Variants in LEMD3 observed in about 807,000 individuals in gnomAD.
LEMD3 encodes the protein LEM domain containing 3.
LEMD3 carries 33 observed loss-of-function variants against 95.2 expected under a neutral mutation model. That is an observed-to-expected ratio of 0.35 (90% CI 0.26 to 0.46). The LOEUF (loss-of-function observed/expected upper bound fraction) is 0.46. Among genes scored for constraint, LEMD3 ranks in the 20% least tolerant of loss-of-function variants. The pLI is 1.00. For synonymous variants in LEMD3, 525 were observed against 474.6 expected (o/e 1.11, Z -1.38); for missense variants, 1,210 against 1,192.8 (o/e 1.01, Z -0.21).
intron 1 of LEMD3, among the ~76,000 whole-genome samples, chr12:65,206,396 C>T (rs1473466084): frequency 6.6e-6 from 1 of 152,116 alleles, no homozygotes; most frequent in African/African-American, 2.4e-5. Context: ...TGCTGCCCTC[C>T]AGGACTGAAC....
Position 65,193,436 on chromosome 12 carries a change from T to A in LEMD3, c.1523-17490T>A, listed in dbSNP as rs559025349. Among the ~76,000 whole-genome samples the A allele has an allele frequency of 3.3e-4, 50 of 152,268 alleles. 1 individual carries two copies. In the South Asian group the frequency reaches 9.5e-3, roughly 29 times the overall value. ...TGCTAGCACTTGGAAGGGGCCAGCC[T>A]ATGCAGTGTGTTTACTGGAGTTGTA... On this transcript the variant is annotated intron_variant, in intron 1 of 12. Transcript: ENST00000308330.
At chr12:65,222,597 C>A (rs1050210684) in intron 4 of LEMD3, among the ~76,000 whole-genome samples, 1 of 151,794 alleles carries the variant, frequency 6.6e-6, no homozygotes, top group Admixed American at 6.6e-5. Flanking sequence ...TTGATCTTTT[C>A]AAAAAATCAA....
In LEMD3 at chr12:65,169,906, C is replaced by G; in HGVS notation, c.310C>G (p.Pro104Ala). 6.9e-7 allele frequency: 1 copy of G among 1,451,738 alleles called. No homozygotes were observed. The highest frequency in any genetic ancestry group is 9.1e-7 in the Non-Finnish European group (1 of 1,104,668). 89.9% of individuals were successfully genotyped at this position (1,451,738 alleles called of 1,614,324 possible). The change falls in exon 1 of 13, where the codon CCT (proline) becomes GCT (alanine). Residue 104 changes from proline to alanine, a missense_variant. By Grantham distance (27) the Pro-to-Ala change is conservative (BLOSUM62 -1). This residue lies in a region of LEMD3 where 749 missense variants were observed against 622.9 expected (regional missense o/e 1.20). Coordinates refer to ENST00000308330, the MANE Select transcript of LEMD3 (RefSeq NM_014319.5). ...GGGCGACCTCTCCTACTTACGGACTCCTGGGGGCCTGTGCCGAATCTCGGC... is the reference window on the plus strand; with the variant it reads ...GGGCGACCTCTCCTACTTACGGACTGCTGGGGGCCTGTGCCGAATCTCGGC... ...VSGDLSYLRT[P>A]GGLCRISASG...
intron 1 of LEMD3, among the ~76,000 whole-genome samples, chr12:65,194,785 T>C (rs1185505965): frequency 6.8e-5 from 1 of 14,666 alleles, no homozygotes; most frequent in Non-Finnish European, 1.2e-4. Context: ...TTTTGGGGAA[T>C]GGTTAGTATT....
Position 65,169,837 on chromosome 12 carries a change from CCAGCGGCGGCGGCGGCCGCGGGGA to C in LEMD3, c.242_265del (p.Pro81_Met89delinsLeu), listed in dbSNP as rs778490017. The C allele has an allele frequency of 5.5e-6, 8 of 1,464,752 alleles. No individual in the cohort carries two copies. Among genetic ancestry groups the C allele is most frequent in the Non-Finnish European group, 7.2e-6 (8 of 1,105,006 alleles). The allele number at this position is 1,464,752 out of a possible 1,614,324, so 90.7% of individuals were successfully genotyped here. ...AGCCGCCACGGTCGCAGCCGCGGGA[CCAGCGGCGGCGGCGGCCGCGGGGA>C]TGGGGGTCCGGCCGGTCTCGGGCGA... On this transcript the variant is annotated inframe_deletion, in exon 1 of 13. Transcript: ENST00000308330.
In LEMD3 at chr12:65,169,849, G is replaced by C. The variant is rs1411780418; in HGVS notation, c.253G>C (p.Ala85Pro). The C allele has an allele frequency of 1.2e-5, 18 of 1,458,960 alleles. No individual in the cohort carries two copies. Among genetic ancestry groups the C allele is most frequent in the Non-Finnish European group, 1.6e-5 (18 of 1,102,280 alleles). 90.4% of individuals were successfully genotyped at this position (1,458,960 alleles called of 1,614,324 possible). A position where few individuals can be genotyped will look rare whatever the true frequency, so the allele number is the denominator to read the frequency against. The change falls in exon 1 of 13, where the codon GCG becomes CCG. Residue 85 changes from alanine (A) to proline (P), a missense_variant. This residue lies in a region of LEMD3 where 749 missense variants were observed against 622.9 expected (regional missense o/e 1.20). Transcript: ENST00000308330. The stretch of plus-strand genomic sequence containing the variant: ...CGCAGCCGCGGGACCAGCGGCGGCG[G>C]CGGCCGCGGGGATGGGGGTCCGGCC... Reference protein sequence around the residue: ...TVAAAGPAAAAAAGMGVRPVS... With the variant: ...TVAAAGPAAAPAAGMGVRPVS...
chr12:65,234,982 T>G (rs1467786213), intron 4 of LEMD3, among the ~76,000 whole-genome samples: 1 of 152,158 alleles, frequency 6.6e-6, no homozygotes, highest in Non-Finnish European at 1.5e-5. Context: ...TGTCCAGTAT[T>G]ATATGTAGTA....
In LEMD3 at chr12:65,169,969, G is replaced by A. The variant is rs1348064271; in HGVS notation, c.373G>A (p.Ala125Thr). 6.8e-7 allele frequency: 1 copy of A among 1,462,492 alleles called. No individual in the cohort carries two copies. Among genetic ancestry groups the A allele is most frequent in the Non-Finnish European group, 8.9e-7 (1 of 1,118,076 alleles). 90.6% of individuals were successfully genotyped at this position (1,462,492 alleles called of 1,614,324 possible). A position where few individuals can be genotyped will look rare whatever the true frequency, so the allele number is the denominator to read the frequency against. ...GAGCCTCCTGGGAGGGCCCGGGGGC[G>A]CCTCCGCCGCCCCCGCGGCTGGCAG... ...PESLLGGPGG[A>T]SAAPAAGSKV... is the part of the protein sequence containing the mutation. The change falls in exon 1 of 13, where the codon GCC becomes ACC. Residue 125 changes from alanine (A) to threonine (T), a missense_variant. Transcript: ENST00000308330.
rs542495009 is a variant in LEMD3, at chr12:65,220,325, C to T, written c.1695+1706C>T. On this transcript the variant is annotated intron_variant, in intron 4 of 12. Transcript: ENST00000308330. The stretch of plus-strand genomic sequence containing the variant: ...TCTGTGTGTATATATAGCATGTATA[C>T]AGCATATATATAATACCTTATCTGT... 2.6e-5 allele frequency among the ~76,000 whole-genome samples: 4 copies of T among 152,246 alleles called. No homozygotes were observed. In the South Asian group the frequency reaches 8.3e-4, roughly 32 times the overall value.
At chr12:65,209,485 G>A (rs1232897900) in intron 1 of LEMD3, among the ~76,000 whole-genome samples, 1 of 151,898 alleles carries the variant, frequency 6.6e-6, no homozygotes, top group Non-Finnish European at 1.5e-5. Context: ...AGTACGTTGA[G>A]CTAAATATAG....
Position 65,247,212 on chromosome 12 carries a change from G to C in LEMD3, c.*887G>C, listed in dbSNP as rs1443991593. On this transcript the variant is annotated 3_prime_UTR_variant, in exon 13 of 13. Coordinates refer to ENST00000308330, the MANE Select transcript of LEMD3 (RefSeq NM_014319.5). ...GAAAGTTCTGATACCAGTTGTAATA[G>C]AGTCAAATTTATGTGAGCAATAAAG... 4 of 152,526 alleles carry C rather than the reference G, an allele frequency of 2.6e-5. No individual in the cohort carries two copies. Among genetic ancestry groups the C allele is most frequent in the African/African-American group, 9.7e-5 (4 of 41,418 alleles). 9.4% of individuals were successfully genotyped at this position (152,526 alleles called of 1,614,324 possible).
chr12:65,222,897 A>T (rs553581266), intron 4 of LEMD3, among the ~76,000 whole-genome samples: 1 of 151,852 alleles, frequency 6.6e-6, no homozygotes, highest in African/African-American at 2.4e-5. Flanking sequence ...CTTTGATCCA[A>T]TGCTTGTTCT....
chr12:65,246,016 A>G, intron 12 of LEMD3, 77 bp downstream of exon 12: 1 of 1,352,292 alleles, frequency 7.4e-7, no homozygotes, highest in Non-Finnish European at 1.0e-6. Flanking sequence ...ATTTCAAATA[A>G]AAGAATTTAG....
chr12:65,232,665 C>G (rs957791561), intron 4 of LEMD3, among the ~76,000 whole-genome samples: 1 of 152,016 alleles, frequency 6.6e-6, no homozygotes, highest in African/African-American at 2.4e-5. Flanking sequence ...ATATTGAAAG[C>G]TTATTTTAAT....
At chr12:65,178,421 A>G (rs999804782) in intron 1 of LEMD3, among the ~76,000 whole-genome samples, 2 of 152,198 alleles carry the variant, frequency 1.3e-5, no homozygotes, top group Non-Finnish European at 2.9e-5. Context: ...TAGTTTGAGG[A>G]TACACTGGCA....
rs529640728 is a variant in LEMD3 at position 65,189,053 on chromosome 12, T to C, written c.1522+17935T>C. ...ACTATGTTTTTCCTGTAATACATAC[T>C]TATGATAAAGTTTAATTTATAAATT... is the stretch of plus-strand genomic sequence containing the variant. On this transcript the variant is annotated intron_variant, in intron 1 of 12. Transcript: ENST00000308330. Among the ~76,000 whole-genome samples, 8 of 152,298 alleles carry C rather than the reference T, an allele frequency of 5.3e-5. No individual in the cohort carries two copies. In the South Asian group the frequency reaches 1.7e-3, roughly 32 times the overall value.
At chr12:65,176,436 A>G (rs544968725) in intron 1 of LEMD3, among the ~76,000 whole-genome samples, 2 of 152,310 alleles carry the variant, frequency 1.3e-5, no homozygotes, top group South Asian at 2.1e-4. Flanking sequence ...ATTCTTAAAC[A>G]TGTCATCTCC....
chr12:65,205,652 G>A (rs1008610472), intron 1 of LEMD3, among the ~76,000 whole-genome samples: 2 of 152,166 alleles, frequency 1.3e-5, no homozygotes, highest in South Asian at 4.1e-4. Context: ...TGGGAGTTCT[G>A]TAGGAGAGCA....
intron 1 of LEMD3, among the ~76,000 whole-genome samples, chr12:65,175,173 G>A (rs114727132): frequency 0.015 from 2,337 of 152,288 alleles, 27 homozygotes; most frequent in Middle Eastern, 0.041. Context: ...CTTGAGGGCC[G>A]TTGAAAGGAG....
Sources: gnomAD v4.1 joint callset for allele counts (sites outside exome capture counted in the v4.1 genomes callset) on GRCh38, gnomAD v4.1.1 for gene constraint, gnomAD v4.1.1 regional missense constraint, MANE v1.5 for transcripts, NCBI Gene and HGNC (gene_info 2026-07-23, HGNC 2026-07-21) for gene names.